IL1RAP: variants seen among roughly 807,000 people sequenced by gnomAD.
The protein encoded by IL1RAP is interleukin 1 receptor accessory protein.
Under a neutral mutation model 60.7 loss-of-function variants are expected in IL1RAP, and 35 were observed. That is an observed-to-expected ratio of 0.58 (90% CI 0.44 to 0.76). The LOEUF (loss-of-function observed/expected upper bound fraction) is 0.76, where lower values mean the gene tolerates loss of function less well. Ranked by LOEUF, IL1RAP falls within the 30% of genes least tolerant of loss-of-function variation. IL1RAP has a pLI of 0.00. For synonymous variants in IL1RAP, 268 were observed against 250.9 expected (o/e 1.07, Z -0.64); for missense variants, 572 against 693.9 (o/e 0.82, Z 1.97).
chr3:190,610,358 A>T (rs1174848684), intron 5 of IL1RAP, among the ~76,000 whole-genome samples: 2 of 152,066 alleles, frequency 1.3e-5, no homozygotes, highest in Non-Finnish European at 2.9e-5. Flanking sequence ...AATTAGAAAT[A>T]TCCAAAAATT....
At chr3:190,541,895 C>T (rs2050425139) in intron 1 of IL1RAP, among the ~76,000 whole-genome samples, 1 of 152,058 alleles carries the variant, frequency 6.6e-6, no homozygotes, top group Non-Finnish European at 1.5e-5. Context: ...TGTGTTTGCC[C>T]AGGATTTTAA....
At chr3:190,560,898 T>C (rs1725833042) in intron 2 of IL1RAP, among the ~76,000 whole-genome samples, 1 of 152,200 alleles carries the variant, frequency 6.6e-6, no homozygotes, top group Non-Finnish European at 1.5e-5. Flanking sequence ...CTAAATGATA[T>C]AGTCATTAAA....
At chr3:190,606,685 T>C (rs750882119) in intron 4 of IL1RAP, among the ~76,000 whole-genome samples, 3 of 152,182 alleles carry the variant, frequency 2.0e-5, no homozygotes, top group Non-Finnish European at 4.4e-5. Flanking sequence ...ACCTCTTCAG[T>C]TTACTTCTCT....
At chr3:190,579,721 A>G (rs577718904) in intron 3 of IL1RAP, among the ~76,000 whole-genome samples, 2 of 152,336 alleles carry the variant, frequency 1.3e-5, no homozygotes, top group South Asian at 4.1e-4. Flanking sequence ...GAGGATTAGC[A>G]GCCAATCCAC....
rs780003401 is a variant in IL1RAP at position 190,648,398 on chromosome 3, G to A, written c.1406G>A (p.Ser469Asn). 1 of 1,613,146 alleles carries A rather than the reference G, an allele frequency of 6.2e-7. No homozygotes were observed. Among genetic ancestry groups the A allele is most frequent in the Non-Finnish European group, 8.5e-7 (1 of 1,179,726 alleles). Residue 469 changes from serine (S) to asparagine (N), a missense_variant, in exon 12 of 12, where the codon AGC becomes AAC. By Grantham distance (46) the Ser-to-Asn change is conservative. Transcript: ENST00000447382. ...AGCAGACGCCTCCTGGTTGTTCTAA[G>A]CCCCAACTACGTGCTCCAGGGAACC... ...QKSRRLLVVL[S>N]PNYVLQGTQA... is the part of the protein sequence containing the mutation.
chr3:190,566,774 C>G (rs1344974706), intron 3 of IL1RAP, among the ~76,000 whole-genome samples: 1 of 152,144 alleles, frequency 6.6e-6, no homozygotes, highest in Non-Finnish European at 1.5e-5. Flanking sequence ...ACGAAAAGAG[C>G]AACTGGCTCT....
intron 1 of IL1RAP, among the ~76,000 whole-genome samples, chr3:190,553,676 C>T (rs1353441241): frequency 6.6e-6 from 1 of 152,200 alleles, no homozygotes; most frequent in Admixed American, 6.5e-5. Flanking sequence ...CTGGGTTGGA[C>T]TGAGGCCGTC....
chr3:190,583,579 A>G (rs887990624), intron 3 of IL1RAP, among the ~76,000 whole-genome samples: 14 of 152,200 alleles, frequency 9.2e-5, no homozygotes, highest in African/African-American at 3.4e-4. Context: ...TCTAGCAGCA[A>G]ATTAGCCTCA....
At chr3:190,589,307 C>A (rs970008640) in intron 3 of IL1RAP, among the ~76,000 whole-genome samples, 1 of 152,130 alleles carries the variant, frequency 6.6e-6, no homozygotes, top group Non-Finnish European at 1.5e-5. Flanking sequence ...TTCCTGTCAC[C>A]CCATCATATT....
At chr3:190,601,580 T>A (rs1729864514) in intron 3 of IL1RAP, among the ~76,000 whole-genome samples, 2 of 152,236 alleles carry the variant, frequency 1.3e-5, no homozygotes, top group African/African-American at 4.8e-5. Flanking sequence ...GATTCTTCAC[T>A]TTTATCAAAA....
chr3:190,656,222 C>T (rs752665446), downstream of IL1RAP: 3 of 1,537,232 alleles, frequency 2.0e-6, no homozygotes, highest in South Asian at 2.4e-5. Context: ...GAGAGCTGCT[C>T]TTCCCAGTCT....
chr3:190,539,792 A>G (rs1165542872), intron 1 of IL1RAP, among the ~76,000 whole-genome samples: 1 of 151,838 alleles, frequency 6.6e-6, no homozygotes, highest in African/African-American at 2.4e-5. Flanking sequence ...TTTGACATAG[A>G]TAAGAACAAC....
chr3:190,555,312 C>T lies in IL1RAP; in HGVS notation c.-88-818C>T, dbSNP rs954823215. Among the ~76,000 whole-genome samples, 7 of 152,252 alleles carry T rather than the reference C, an allele frequency of 4.6e-5. 1 individual carries two copies. The highest frequency in any genetic ancestry group is 7.4e-5 in the Non-Finnish European group (5 of 68,016). ...GCTCCTTCCTCCCTCCTCTCTACTC[C>T]GCTTCCTTCTCTACTCCCTACTCTC... is the stretch of plus-strand genomic sequence containing the variant. On this transcript the variant is annotated intron_variant, in intron 1 of 11. Coordinates refer to ENST00000447382, the MANE Select transcript of IL1RAP (RefSeq NM_002182.4).
intron 2 of IL1RAP, among the ~76,000 whole-genome samples, chr3:190,560,950 T>C (rs1725836907): frequency 6.6e-6 from 1 of 152,118 alleles, no homozygotes; most frequent in African/African-American, 2.4e-5. Flanking sequence ...ATGAGAGATG[T>C]ACCAAAAGAT....
intron 3 of IL1RAP, among the ~76,000 whole-genome samples, chr3:190,601,686 T>C (rs989166646): frequency 2.6e-5 from 4 of 152,140 alleles, no homozygotes; most frequent in African/African-American, 9.7e-5. Context: ...CAAACTTCAT[T>C]TTATTTATTT....
intron 1 of IL1RAP, among the ~76,000 whole-genome samples, chr3:190,522,423 C>CTATCTATCTATCTATCTATGTATCTATG (rs1560135949): frequency 1.6e-5 from 1 of 62,366 alleles, no homozygotes; most frequent in African/African-American, 4.7e-5. Flanking sequence ...ATCTATGTAT[C>CTATCTATCTATCTATCTATGTATCTATG]TATCTATCTA....
chr3:190,548,579 T>C (rs988665131), intron 1 of IL1RAP, among the ~76,000 whole-genome samples: 1 of 152,172 alleles, frequency 6.6e-6, no homozygotes, highest in Non-Finnish European at 1.5e-5. Flanking sequence ...CTATACACTG[T>C]GGACACAAAC....
intron 3 of IL1RAP, among the ~76,000 whole-genome samples, chr3:190,570,493 G>T (rs1276849047): frequency 6.6e-6 from 1 of 152,104 alleles, no homozygotes; most frequent in African/African-American, 2.4e-5. Flanking sequence ...TGTAGGGTCT[G>T]AAATAGTTTA....
intron 3 of IL1RAP, among the ~76,000 whole-genome samples, chr3:190,564,956 C>A (rs1227408912): frequency 6.6e-6 from 1 of 152,114 alleles, no homozygotes; most frequent in Non-Finnish European, 1.5e-5. Context: ...GAAAGTCCAT[C>A]TTTTCAGATC....
Sources: allele counts gnomAD v4.1 joint callset (sites outside exome capture counted in the v4.1 genomes callset), GRCh38; gene constraint gnomAD v4.1.1; transcripts MANE v1.5; gene names NCBI Gene and HGNC (gene_info 2026-07-23, HGNC 2026-07-21).